The following ACTL8 variants were observed in gnomAD, a reference collection of about 807,000 sequenced individuals.
ACTL8 encodes the protein actin like 8.
In ACTL8, 3 loss-of-function variants were observed where a neutral mutation model predicts 9.3. The observed-to-expected ratio is 0.32, with a 90% CI of 0.15 to 0.83. The LOEUF (loss-of-function observed/expected upper bound fraction) is 0.83. Ranked by LOEUF, ACTL8 falls within the 40% of genes least tolerant of loss-of-function variation. ACTL8 has a pLI of 0.57. For missense variants in ACTL8, 381 were observed against 492.2 expected, an observed-to-expected ratio of 0.77 and a Z score of 2.14; for synonymous variants, 224 against 205.9, an observed-to-expected ratio of 1.09 and a Z score of -0.75.
intron 1 of ACTL8, among the ~76,000 whole-genome samples, chr1:17,789,455 C>T (rs1407406702): frequency 2.0e-5 from 3 of 152,006 alleles, no homozygotes; most frequent in Admixed American, 2.0e-4. Flanking sequence ...GTGATTTTGC[C>T]TATTTACCTT....
intron 1 of ACTL8, among the ~76,000 whole-genome samples, chr1:17,785,863 G>A (rs940444082): frequency 3.9e-5 from 6 of 152,278 alleles, no homozygotes; most frequent in Middle Eastern, 3.4e-3. Flanking sequence ...CCCAGGCAAA[G>A]CTTAGCTGGG....
intron 1 of ACTL8, among the ~76,000 whole-genome samples, chr1:17,812,429 T>C (rs2066399288): frequency 9.6e-6 from 1 of 104,182 alleles, no homozygotes; most frequent in South Asian, 3.4e-4. Context: ...TTTTTTTCCT[T>C]TTTTTTTTTT....
chr1:17,810,488 A>G (rs945304536), intron 1 of ACTL8, among the ~76,000 whole-genome samples: 2 of 152,216 alleles, frequency 1.3e-5, no homozygotes, highest in Admixed American at 6.5e-5. Context: ...CCCATATTCA[A>G]ATTTTACCAT....
intron 1 of ACTL8, among the ~76,000 whole-genome samples, chr1:17,776,524 G>A (rs200502090): frequency 3.3e-5 from 5 of 152,092 alleles, no homozygotes; most frequent in African/African-American, 7.2e-5. Flanking sequence ...GAGCTTGGAC[G>A]GCTGCTTCCT....
chr1:17,791,356 C>T (rs1259863241), intron 1 of ACTL8, among the ~76,000 whole-genome samples: 1 of 152,072 alleles, frequency 6.6e-6, no homozygotes, highest in African/African-American at 2.4e-5. Flanking sequence ...TCATTGGCTA[C>T]GAAGAGGAAA....
At chr1:17,756,030 G>T (rs1443563766) in intron 1 of ACTL8, among the ~76,000 whole-genome samples, 5 of 152,034 alleles carry the variant, frequency 3.3e-5, no homozygotes. Context: ...GGTGGCAGGA[G>T]GGTGTCTCTT....
At position 17,797,868 on chromosome 1, in the gene ACTL8, A is replaced by G. The variant is rs75305441; in HGVS notation, c.-24-25117A>G. On this transcript the variant is annotated intron_variant, in intron 1 of 2. Coordinates refer to ENST00000375406, the MANE Select transcript of ACTL8 (RefSeq NM_030812.3). Reference sequence around the variant, plus strand: ...AGTGGGCTTCCAGCAAACGGGAGCCAATGTTCCTGGCAGGGGCTGGGTACA... The same window carrying G: ...AGTGGGCTTCCAGCAAACGGGAGCCGATGTTCCTGGCAGGGGCTGGGTACA... Among the ~76,000 whole-genome samples the G allele has an allele frequency of 6.8e-4, 104 of 152,292 alleles. 5 individuals are homozygous for G. In the East Asian group the frequency reaches 0.015, roughly 22 times the overall value.
At chr1:17,763,835 C>T (rs537440708) in intron 1 of ACTL8, among the ~76,000 whole-genome samples, 10 of 152,296 alleles carry the variant, frequency 6.6e-5, no homozygotes, top group Non-Finnish European at 8.8e-5. Context: ...TGGGGGCTTC[C>T]GCCCTCGGGA....
At chr1:17,777,908 G>A (rs1198891673) in intron 1 of ACTL8, among the ~76,000 whole-genome samples, 1 of 152,200 alleles carries the variant, frequency 6.6e-6, no homozygotes, top group Non-Finnish European at 1.5e-5. Context: ...GTGGTGGCCA[G>A]GCTTGTCTTG....
At chr1:17,761,785 T>A (rs2066007925) in intron 1 of ACTL8, among the ~76,000 whole-genome samples, 1 of 151,980 alleles carries the variant, frequency 6.6e-6, no homozygotes, top group Non-Finnish European at 1.5e-5. Context: ...TGGCCAGGCT[T>A]GTCTCGAACT....
At position 17,800,583 on chromosome 1, in the gene ACTL8, C is replaced by CTTTTTTTTTTTTTTTTTTTTTTT. The variant is rs59143238; in HGVS notation, c.-24-22397_-24-22375dup. ...CAAACTTCCTTGCCTTGGTGTCAAT[C>CTTTTTTTTTTTTTTTTTTTTTTT]TTTTTTTTTTTTTTTTTTTTTTTTT... On this transcript the variant is annotated intron_variant, in intron 1 of 2. Transcript: ENST00000375406. Among the ~76,000 whole-genome samples the CTTTTTTTTTTTTTTTTTTTTTTT allele has an allele frequency of 8.7e-5, 6 of 69,168 alleles. 2 individuals are homozygous for CTTTTTTTTTTTTTTTTTTTTTTT. The highest frequency in any genetic ancestry group is 3.9e-4 in the African/African-American group (6 of 15,476). The allele number at this position is 69,168 out of a possible 152,430, so 45.4% of individuals were successfully genotyped here. A position where few individuals can be genotyped will look rare whatever the true frequency, so the allele number is the denominator to read the frequency against.
intron 1 of ACTL8, among the ~76,000 whole-genome samples, chr1:17,783,358 TTTTTTTAA>T (rs1427337439): frequency 0.023 from 2,983 of 128,950 alleles, 107 homozygotes; most frequent in African/African-American, 0.084. Flanking sequence ...TTTTGTTTTT[TTTTTTTAA>T]AAAAACTCCA....
intron 1 of ACTL8, among the ~76,000 whole-genome samples, chr1:17,766,552 C>T (rs1033479785): frequency 6.6e-6 from 1 of 152,176 alleles, no homozygotes; most frequent in African/African-American, 2.4e-5. Flanking sequence ...CAACCTTGGG[C>T]GCTGACAGCC....
intron 1 of ACTL8, among the ~76,000 whole-genome samples, chr1:17,773,608 C>T (rs2066098111): frequency 6.6e-6 from 1 of 152,320 alleles, no homozygotes; most frequent in East Asian, 1.9e-4. Flanking sequence ...TTACTTGACA[C>T]AAGCTGGGGA....
intron 1 of ACTL8, among the ~76,000 whole-genome samples, chr1:17,785,570 G>T (rs1599970): frequency 0.097 from 14,748 of 152,180 alleles, 852 homozygotes; most frequent in East Asian, 0.19. Flanking sequence ...GTCCTTCAGG[G>T]TCTTAGATTT....
chr1:17,802,816 C>T (rs576744530), intron 1 of ACTL8, among the ~76,000 whole-genome samples: 44 of 152,156 alleles, frequency 2.9e-4, no homozygotes, highest in South Asian at 2.3e-3. Context: ...AACCCCATCT[C>T]TACTAAAAAT....
intron 1 of ACTL8, among the ~76,000 whole-genome samples, chr1:17,790,043 ACAGT>A (rs1163905602): frequency 6.6e-6 from 1 of 152,182 alleles, no homozygotes; most frequent in Non-Finnish European, 1.5e-5. Context: ...GCCACTGCAC[ACAGT>A]CAGACATGCC....
At chr1:17,755,913 G>A (rs1411377117) in intron 1 of ACTL8, among the ~76,000 whole-genome samples, 2 of 149,334 alleles carry the variant, frequency 1.3e-5, no homozygotes, top group African/African-American at 2.5e-5. Flanking sequence ...TGATATGGGG[G>A]TCTCTTTTTG....
At chr1:17,792,486 T>C (rs2102688429) in intron 1 of ACTL8, among the ~76,000 whole-genome samples, 1 of 152,330 alleles carries the variant, frequency 6.6e-6, no homozygotes, top group East Asian at 1.9e-4. Flanking sequence ...TAATCAAACA[T>C]CACCATGCAT....
Sources: allele counts gnomAD v4.1 joint callset (sites outside exome capture counted in the v4.1 genomes callset), GRCh38; gene constraint gnomAD v4.1.1; transcripts MANE v1.5; gene names NCBI Gene and HGNC (gene_info 2026-07-23, HGNC 2026-07-21).